SPATS2: variants seen among roughly 807,000 people sequenced by gnomAD.
The protein encoded by SPATS2 is spermatogenesis-associated serine-rich protein 2.
Under a neutral mutation model 63.7 loss-of-function variants are expected in SPATS2, and 38 were observed. That is an observed-to-expected ratio of 0.60 (90% CI 0.46 to 0.78). SPATS2 has a LOEUF of 0.78. SPATS2 is among the 30% of genes least tolerant of loss of function. The pLI is 0.00. For synonymous variants in SPATS2, 207 were observed against 232.9 expected (o/e 0.89, Z 1.01); for missense variants, 588 against 666.2 (o/e 0.88, Z 1.29).
intron 2 of SPATS2, among the ~76,000 whole-genome samples, chr12:49,445,036 T>C (rs1170945946): frequency 1.3e-5 from 2 of 152,240 alleles, no homozygotes; most frequent in Non-Finnish European, 2.9e-5. Flanking sequence ...ATGGGTCATA[T>C]TATCTTTGAA....
chr12:49,487,421 G>C (rs1215457237), intron 4 of SPATS2, among the ~76,000 whole-genome samples: 2 of 152,196 alleles, frequency 1.3e-5, no homozygotes, highest in African/African-American at 4.8e-5. Context: ...CTGGGAGGCA[G>C]AGGTTGCAGT....
intron 3 of SPATS2, among the ~76,000 whole-genome samples, chr12:49,480,449 ATTG>A (rs1358043869): frequency 6.6e-6 from 1 of 152,170 alleles, no homozygotes; most frequent in Non-Finnish European, 1.5e-5. Flanking sequence ...AAATTAATGC[ATTG>A]TTGTTATATT....
intron 2 of SPATS2, among the ~76,000 whole-genome samples, chr12:49,440,593 C>T (rs1166520368): frequency 1.3e-5 from 2 of 151,908 alleles, no homozygotes; most frequent in African/African-American, 4.8e-5. Context: ...CTCAGCCTCC[C>T]GAGTAGCTGG....
intron 3 of SPATS2, among the ~76,000 whole-genome samples, chr12:49,464,627 TA>T (rs562743662): frequency 0.3 from 32,417 of 107,258 alleles, 5,377 homozygotes; most frequent in African/African-American, 0.53. Flanking sequence ...AACTCCATCT[TA>T]AAAAAAAAAA....
At chr12:49,493,977 C>G (rs12099854) in intron 6 of SPATS2, among the ~76,000 whole-genome samples, 1 of 152,138 alleles carries the variant, frequency 6.6e-6, no homozygotes, top group African/African-American at 2.4e-5. Flanking sequence ...AAGCAGTCGC[C>G]TATTGATCAA....
chr12:49,425,418 C>T (rs984984293), intron 2 of SPATS2, among the ~76,000 whole-genome samples: 1 of 152,182 alleles, frequency 6.6e-6, no homozygotes, highest in African/African-American at 2.4e-5. Context: ...TATCACAGCT[C>T]AGGTGATCCT....
chr12:49,389,407 C>T, intron 2 of SPATS2: 1 of 583,498 alleles, frequency 1.7e-6, no homozygotes, highest in Non-Finnish European at 3.1e-6. Context: ...AGATTAGGGG[C>T]GCGGAGTCTC....
chr12:49,419,068 C>G (rs1304740350), intron 2 of SPATS2, among the ~76,000 whole-genome samples: 2 of 152,144 alleles, frequency 1.3e-5, no homozygotes, highest in Non-Finnish European at 2.9e-5. Flanking sequence ...CTGTTCCCCT[C>G]CCAAGGTTCC....
chr12:49,455,115 T>G (rs954784191), intron 2 of SPATS2, among the ~76,000 whole-genome samples: 1 of 152,090 alleles, frequency 6.6e-6, no homozygotes, highest in Non-Finnish European at 1.5e-5. Context: ...TAAAAAAAAT[T>G]TTAAAGTCTG....
chr12:49,394,870 G>A (rs923022402), intron 2 of SPATS2, among the ~76,000 whole-genome samples: 13 of 151,724 alleles, frequency 8.6e-5, no homozygotes, highest in African/African-American at 2.9e-4. Flanking sequence ...TCAGGAGTTC[G>A]AAACCAGCCT....
chr12:49,421,434 A>C (rs1051318572), intron 2 of SPATS2, among the ~76,000 whole-genome samples: 168 of 150,942 alleles, frequency 1.1e-3, no homozygotes, highest in African/African-American at 3.7e-3. Context: ...AAAAAAAAAA[A>C]AAAAAAAAAC....
chr12:49,520,622 ATAGT>A (rs1448949023), intron 11 of SPATS2, among the ~76,000 whole-genome samples: 3 of 152,208 alleles, frequency 2.0e-5, no homozygotes, highest in Non-Finnish European at 2.9e-5. Flanking sequence ...TCTTCTGTAA[ATAGT>A]TGGTTGACCA....
chr12:49,488,519 G>A (rs1457642013), intron 4 of SPATS2, among the ~76,000 whole-genome samples: 4 of 151,960 alleles, frequency 2.6e-5, no homozygotes, highest in African/African-American at 4.8e-5. Context: ...TTAGCTGGAC[G>A]TGGTGGCACA....
intron 2 of SPATS2, among the ~76,000 whole-genome samples, chr12:49,413,313 T>C (rs1487429975): frequency 6.6e-6 from 1 of 152,120 alleles, no homozygotes; most frequent in Non-Finnish European, 1.5e-5. Flanking sequence ...TGGACATCTC[T>C]CTCTATTTTC....
intron 9 of SPATS2, among the ~76,000 whole-genome samples, chr12:49,500,877 T>C (rs1946555799): frequency 6.6e-6 from 1 of 152,232 alleles, no homozygotes; most frequent in Non-Finnish European, 1.5e-5. Flanking sequence ...AAATCTGTCT[T>C]TGCTTTCCTA....
intron 1 of SPATS2, among the ~76,000 whole-genome samples, chr12:49,370,554 A>C (rs1193734447): frequency 1.3e-5 from 2 of 152,184 alleles, no homozygotes; most frequent in Non-Finnish European, 2.9e-5. Flanking sequence ...TGGGATCTTC[A>C]CTTTCAACGA....
intron 2 of SPATS2, among the ~76,000 whole-genome samples, chr12:49,411,482 C>T (rs1341251898): frequency 6.6e-6 from 1 of 151,924 alleles, no homozygotes; most frequent in African/African-American, 2.4e-5. Flanking sequence ...TGGTCCCCCC[C>T]AAAAAAGAAA....
chr12:49,429,656 A>G (rs1224702234), intron 2 of SPATS2, among the ~76,000 whole-genome samples: 1 of 151,944 alleles, frequency 6.6e-6, no homozygotes, highest in African/African-American at 2.4e-5. Flanking sequence ...GGGTTTCACC[A>G]TGTTGGCCAG....
intron 2 of SPATS2, among the ~76,000 whole-genome samples, chr12:49,440,002 T>C (rs1592398029): frequency 6.6e-6 from 1 of 152,346 alleles, no homozygotes; most frequent in South Asian, 2.1e-4. Flanking sequence ...TTTTTAACTT[T>C]TGGACATAAT....
Sources: gnomAD v4.1 joint callset for allele counts (sites outside exome capture counted in the v4.1 genomes callset) on GRCh38, gnomAD v4.1.1 for gene constraint, MANE v1.5 for transcripts, NCBI Gene and HGNC (gene_info 2026-07-23, HGNC 2026-07-21) for gene names.